The following PTPRZ1 variants were observed in gnomAD, a reference collection of about 807,000 sequenced individuals.
PTPRZ1 encodes the protein receptor-type tyrosine-protein phosphatase zeta.
Under a neutral mutation model 214.1 loss-of-function variants are expected in PTPRZ1, and 82 were observed. The observed-to-expected ratio is 0.38, with a 90% confidence interval of 0.32 to 0.46. The LOEUF (loss-of-function observed/expected upper bound fraction) is 0.46. Ranked by LOEUF, PTPRZ1 falls within the 20% of genes least tolerant of loss-of-function variation. PTPRZ1 has a pLI of 1.00. For missense variants in PTPRZ1, 2,603 were observed against 2,748.7 expected (o/e 0.95, Z 1.19); for synonymous variants, 945 against 987.9 (o/e 0.96, Z 0.81).
chr7:121,980,329 G>A (rs1188765040), intron 6 of PTPRZ1, among the ~76,000 whole-genome samples: 1 of 152,114 alleles, frequency 6.6e-6, no homozygotes, highest in Non-Finnish European at 1.5e-5. Flanking sequence ...TGTCAGTTAA[G>A]GAGGTAATTT....
intron 1 of PTPRZ1, among the ~76,000 whole-genome samples, chr7:121,891,845 T>A (rs1018068127): frequency 1.3e-5 from 2 of 152,124 alleles, no homozygotes; most frequent in African/African-American, 4.8e-5. Context: ...TTTTTTTCTG[T>A]CATTGTCAAA....
chr7:122,011,938 C>T lies in PTPRZ1; in HGVS notation c.2892C>T (p.Ser964=), dbSNP rs778758681. The change falls in exon 12 of 30, where the codon AGC becomes AGT. Residue 964 remains serine (S), a synonymous_variant. Transcript: ENST00000393386. ...TAACTTATCAGGGTTCCTTATTTAG[C>T]GGCCCTAGCCATATACCAATACCTA... ...VGVTYQGSLF[S]GPSHIPIPKS... The T allele has an allele frequency of 1.4e-5, 22 of 1,614,168 alleles. 1 individual carries two copies. Among genetic ancestry groups the T allele is most frequent in the East Asian group, 6.7e-5 (3 of 44,890 alleles).
intron 1 of PTPRZ1, among the ~76,000 whole-genome samples, chr7:121,898,698 C>CTA (rs1386193408): frequency 3.3e-5 from 5 of 152,090 alleles, no homozygotes; most frequent in African/African-American, 1.2e-4. Context: ...GCTTGCTAAC[C>CTA]TATACATCAG....
chr7:121,937,437 C>T (rs938599575), intron 2 of PTPRZ1, among the ~76,000 whole-genome samples: 1 of 152,104 alleles, frequency 6.6e-6, no homozygotes, highest in African/African-American at 2.4e-5. Context: ...CTGGCGGCTC[C>T]CCTGGGGCCT....
At chr7:122,016,152 G>T (rs955336542) in intron 12 of PTPRZ1, among the ~76,000 whole-genome samples, 1 of 151,738 alleles carries the variant, frequency 6.6e-6, no homozygotes, top group Non-Finnish European at 1.5e-5. Flanking sequence ...TTTGATCCAG[G>T]TCACATGAGT....
At chr7:121,947,522 A>T (rs1796421275) in intron 2 of PTPRZ1, among the ~76,000 whole-genome samples, 1 of 152,216 alleles carries the variant, frequency 6.6e-6, no homozygotes, top group Admixed American at 6.5e-5. Flanking sequence ...CCTGTAGTTT[A>T]AATTGAAAAA....
intron 5 of PTPRZ1, 101 bp downstream of exon 5, chr7:121,976,369 A>C (rs1313505078): frequency 1.3e-6 from 1 of 757,984 alleles, no homozygotes; most frequent in East Asian, 2.7e-5. Flanking sequence ...AGAGGAGCTC[A>C]CAAGTAAAAT....
intron 21 of PTPRZ1, among the ~76,000 whole-genome samples, chr7:122,041,641 A>G (rs972186741): frequency 6.6e-6 from 1 of 152,228 alleles, no homozygotes; most frequent in African/African-American, 2.4e-5. Context: ...AAATAATAAT[A>G]GCAGTTAATA....
At chr7:121,874,272 T>C (rs73434996) in intron 1 of PTPRZ1, among the ~76,000 whole-genome samples, 15,864 of 152,178 alleles carry the variant, frequency 0.1, 2,344 homozygotes, top group African/African-American at 0.33. Flanking sequence ...ATCTGCACCC[T>C]CCAGGTTACA....
In PTPRZ1 at chr7:122,044,424, G is replaced by A. The variant is rs1247970332; in HGVS notation, c.5940G>A (p.Glu1980=). The change falls in exon 23 of 30, where the codon GAG becomes GAA. Residue 1980 remains glutamate, a splice_region_variant and synonymous_variant. Transcript: ENST00000393386. ...SQRNYLVQTE[E]QYVFIHDTLV... Reference sequence around the variant, plus strand: ...GCTTATTGTCATTGTTTTGCCAGGAGCAATATGTCTTCATTCATGATACAC... The same window carrying A: ...GCTTATTGTCATTGTTTTGCCAGGAACAATATGTCTTCATTCATGATACAC... 2.4e-5 allele frequency: 39 copies of A among 1,613,522 alleles called. No individual in the cohort carries two copies. Among genetic ancestry groups the A allele is most frequent in the Admixed American group, 8.3e-5 (5 of 59,964 alleles).
At chr7:122,048,364 A>G (rs975208646) in intron 23 of PTPRZ1, among the ~76,000 whole-genome samples, 1 of 152,178 alleles carries the variant, frequency 6.6e-6, no homozygotes, top group Non-Finnish European at 1.5e-5. Flanking sequence ...TGAGATTAAA[A>G]AAAGAGATAT....
chr7:121,879,391 A>G (rs953474189), intron 1 of PTPRZ1, among the ~76,000 whole-genome samples: 14 of 152,190 alleles, frequency 9.2e-5, no homozygotes, highest in African/African-American at 3.4e-4. Flanking sequence ...ATGAGTAAAT[A>G]AAGTATCTTG....
At chr7:122,034,894 T>C (rs1233772184) in intron 17 of PTPRZ1, among the ~76,000 whole-genome samples, 4 of 152,166 alleles carry the variant, frequency 2.6e-5, no homozygotes, top group Non-Finnish European at 1.5e-5. Context: ...CTCTCTCCCT[T>C]TCTCCTCAAT....
At chr7:121,877,562 C>T (rs1391599580) in intron 1 of PTPRZ1, among the ~76,000 whole-genome samples, 2 of 152,162 alleles carry the variant, frequency 1.3e-5, no homozygotes, top group East Asian at 1.9e-4. Context: ...TCGTTCCAGC[C>T]ATGCTACTTT....
chr7:122,022,698 G>T (rs531096092), intron 13 of PTPRZ1, among the ~76,000 whole-genome samples: 3 of 151,852 alleles, frequency 2.0e-5, no homozygotes, highest in African/African-American at 7.2e-5. Flanking sequence ...TTCTCTTATT[G>T]CTTGCACCTT....
At chr7:121,885,645 C>A (rs941952888) in intron 1 of PTPRZ1, among the ~76,000 whole-genome samples, 1 of 152,186 alleles carries the variant, frequency 6.6e-6, no homozygotes, top group Admixed American at 6.6e-5. Flanking sequence ...CAAGATGCTT[C>A]CATGTTTCTC....
intron 2 of PTPRZ1, among the ~76,000 whole-genome samples, chr7:121,943,104 G>A (rs533756422): frequency 3.9e-5 from 6 of 152,050 alleles, no homozygotes; most frequent in Admixed American, 3.3e-4. Context: ...TATGCATGCC[G>A]GCTCATAGTA....
Position 121,913,117 on chromosome 7 carries a change from A to G in PTPRZ1, c.59-15039A>G, listed in dbSNP as rs370287428. 6.6e-5 allele frequency among the ~76,000 whole-genome samples: 10 copies of G among 152,274 alleles called. No homozygotes were observed. The East Asian group carries it at 1.7e-3, about 26-fold the overall frequency. On this transcript the variant is annotated intron_variant, in intron 1 of 29. Transcript: ENST00000393386. The stretch of plus-strand genomic sequence containing the variant: ...ACAAATATTAAAAAATTATTACTCA[A>G]TTATAATTGTGAGAAAGACCGTAAA...
intron 1 of PTPRZ1, among the ~76,000 whole-genome samples, chr7:121,902,250 T>C (rs1457070478): frequency 1.3e-5 from 2 of 152,208 alleles, no homozygotes; most frequent in Non-Finnish European, 2.9e-5. Flanking sequence ...CATTTATCCA[T>C]TGATGGACAC....
Sources: allele counts gnomAD v4.1 joint callset (sites outside exome capture counted in the v4.1 genomes callset), GRCh38; gene constraint gnomAD v4.1.1; transcripts MANE v1.5; gene names NCBI Gene and HGNC (gene_info 2026-07-23, HGNC 2026-07-21).